The following SRR variants were observed in gnomAD, a reference collection of about 807,000 sequenced individuals.
SRR encodes the protein serine racemase.
In SRR, 19 loss-of-function variants were observed where a neutral mutation model predicts 32.7. The observed-to-expected ratio is 0.58, with a 90% CI of 0.40 to 0.85. SRR has a LOEUF of 0.85. SRR is among the 40% of genes least tolerant of loss of function. The pLI is 0.00. For missense variants in SRR, 373 were observed against 404.7 expected, an observed-to-expected ratio of 0.92 and a Z score of 0.67; for synonymous variants, 142 against 140.9, an observed-to-expected ratio of 1.01 and a Z score of -0.06.
chr17:2,309,174 G>A (rs1208696281), intron 1 of SRR, among the ~76,000 whole-genome samples: 1 of 152,114 alleles, frequency 6.6e-6, no homozygotes, highest in Admixed American at 6.6e-5. Context: ...TGTTGCCCAG[G>A]CTGGTCTCAA....
chr17:2,320,506 G>A (rs1222367599), intron 4 of SRR, among the ~76,000 whole-genome samples: 1 of 151,136 alleles, frequency 6.6e-6, no homozygotes, highest in Admixed American at 6.6e-5. Flanking sequence ...TGCCCGCCTT[G>A]GCCTCCCAAA....
At chr17:2,315,301 T>C (rs1798862706) in intron 1 of SRR, 1 of 287,716 alleles carries the variant, frequency 3.5e-6, no homozygotes, top group African/African-American at 2.2e-5. Flanking sequence ...TGCCAAGAGA[T>C]GGGTGGTGTG....
chr17:2,321,881 G>A (rs976198357), intron 6 of SRR, among the ~76,000 whole-genome samples: 4 of 152,194 alleles, frequency 2.6e-5, no homozygotes, highest in Non-Finnish European at 4.4e-5. Flanking sequence ...GGGTTCAAGC[G>A]ATTCTCCTGT....
At chr17:2,313,608 C>T (rs749251765) in intron 1 of SRR, among the ~76,000 whole-genome samples, 1 of 151,650 alleles carries the variant, frequency 6.6e-6, no homozygotes, top group Non-Finnish European at 1.5e-5. Context: ...TGGTGGTGGG[C>T]GCCTGTAATG....
At chr17:2,303,929 T>A, upstream of SRR, 1 of 252,222 alleles carries the variant, frequency 4.0e-6, no homozygotes, top group Non-Finnish European at 7.6e-6. Flanking sequence ...AGAGCCTGGG[T>A]GGGGCGGGCG....
At chr17:2,318,425 C>T (rs1208166678) in intron 3 of SRR, among the ~76,000 whole-genome samples, 1 of 151,536 alleles carries the variant, frequency 6.6e-6, no homozygotes, top group Non-Finnish European at 1.5e-5. Context: ...CCTAGGATTA[C>T]AGGCGTGAGC....
chr17:2,306,564 A>C (rs991922206), intron 1 of SRR, among the ~76,000 whole-genome samples: 1 of 151,678 alleles, frequency 6.6e-6, no homozygotes, highest in Non-Finnish European at 1.5e-5. Flanking sequence ...TAAAAATACA[A>C]AAACTAGCCG....
intron 1 of SRR, among the ~76,000 whole-genome samples, chr17:2,315,194 T>C (rs1280376269): frequency 1.3e-5 from 2 of 151,188 alleles, no homozygotes; most frequent in Admixed American, 1.3e-4. Flanking sequence ...TGAGCCGAGA[T>C]TGTGCCACTG....
At chr17:2,303,790 G>C (rs902968734), upstream of SRR, 11 of 1,314,562 alleles carry the variant, frequency 8.4e-6, no homozygotes, top group East Asian at 2.8e-4. Context: ...CACCACAGAC[G>C]GGCGGCGCGC....
At chr17:2,322,005 A>T (rs980059524) in intron 6 of SRR, among the ~76,000 whole-genome samples, 2 of 150,814 alleles carry the variant, frequency 1.3e-5, no homozygotes, top group Non-Finnish European at 3.0e-5. Context: ...CTGGTCTTGA[A>T]CTCCTGACCT....
At chr17:2,321,256 G>A in intron 4 of SRR, 50 bp from the exon 5 acceptor site, 3 of 1,599,798 alleles carry the variant, frequency 1.9e-6, no homozygotes, top group Non-Finnish European at 2.6e-6. Flanking sequence ...GGAACTTGTT[G>A]GGGACTCTAT....
chr17:2,315,040 A>C (rs2075461670), intron 1 of SRR, among the ~76,000 whole-genome samples: 2 of 151,726 alleles, frequency 1.3e-5, no homozygotes, highest in African/African-American at 4.8e-5. Flanking sequence ...TCAGAAGTTC[A>C]AGACCAGCCT....
chr17:2,318,619 A>AT (rs35847724), intron 3 of SRR, among the ~76,000 whole-genome samples: 2,198 of 92,514 alleles, frequency 0.024, 60 homozygotes, highest in East Asian at 0.13. Context: ...ATGCCTGGCT[A>AT]TTTTTTTTTT....
In SRR at chr17:2,324,865, T is replaced by C; in HGVS notation, c.*992T>C. ...AAAGCAAAGAAGCTATTTAGGAATT[T>C]ACAGGCCAAAGTCTTCATTTATTGC... On this transcript the variant is annotated 3_prime_UTR_variant, in exon 8 of 8. Transcript: ENST00000344595. The C allele has an allele frequency of 6.3e-7, 1 of 1,588,928 alleles. No homozygotes were observed. Among genetic ancestry groups the C allele is most frequent in the African/African-American group, 1.4e-5 (1 of 73,950 alleles).
chr17:2,321,198 C>T, intron 4 of SRR, 108 bp from the exon 5 acceptor site: 1 of 1,341,770 alleles, frequency 7.5e-7, no homozygotes, highest in East Asian at 2.3e-5. Flanking sequence ...AGTACCTGAA[C>T]AAAGTGTGAA....
rs1597273080 is a variant in SRR at position 2,324,444 on chromosome 17, A to G, written c.*571A>G. 13 of 1,611,926 alleles carry G rather than the reference A, an allele frequency of 8.1e-6. No homozygotes were observed. The East Asian group carries it at 2.7e-4, about 33-fold the overall frequency. The stretch of plus-strand genomic sequence containing the variant: ...TTTTAAAGCAATGACTTCCAACCCA[A>G]CAGTCATTTAGCAACACTGCAGAAA... On this transcript the variant is annotated 3_prime_UTR_variant, in exon 8 of 8. Coordinates refer to ENST00000344595, the MANE Select transcript of SRR (RefSeq NM_021947.3).
intron 2 of SRR, among the ~76,000 whole-genome samples, chr17:2,317,207 GAAAAAAAAAAA>G (rs1238108697): frequency 1.8e-5 from 1 of 54,330 alleles, no homozygotes; most frequent in African/African-American, 7.1e-5. Flanking sequence ...CATCTCGGGG[GAAAAAAAAAAA>G]AAAAAAAAAA....
chr17:2,316,884 T>TTA (rs2075477984), intron 2 of SRR, among the ~76,000 whole-genome samples: 1 of 149,982 alleles, frequency 6.7e-6, no homozygotes, highest in Non-Finnish European at 1.5e-5. Context: ...AGCTAATTTT[T>TTA]TTTTTTTTTT....
At chr17:2,316,589 A>G (rs1214451351) in intron 2 of SRR, among the ~76,000 whole-genome samples, 1 of 152,226 alleles carries the variant, frequency 6.6e-6, no homozygotes, top group Non-Finnish European at 1.5e-5. Context: ...AAAAAATACA[A>G]ATATATGACA....
Sources: gnomAD v4.1 joint callset for allele counts (sites outside exome capture counted in the v4.1 genomes callset) on GRCh38, gnomAD v4.1.1 for gene constraint, MANE v1.5 for transcripts, NCBI Gene and HGNC (gene_info 2026-07-23, HGNC 2026-07-21) for gene names.